The following ZNF343 variants were observed in gnomAD, a reference collection of about 807,000 sequenced individuals.
ZNF343 encodes the protein zinc finger protein 343.
ZNF343 carries 11 observed loss-of-function variants against 13.8 expected under a neutral mutation model. The ratio of observed to expected loss-of-function variants is 0.80; its 90% confidence interval spans 0.50 to 1.32. ZNF343 has a LOEUF of 1.32. Among genes scored for constraint, ZNF343 ranks in the 40% most tolerant of loss-of-function variants. ZNF343 has a pLI of 0.00. For synonymous variants in ZNF343, 248 were observed against 260.0 expected (o/e 0.95, Z 0.44); for missense variants, 658 against 714.2 (o/e 0.92, Z 0.90).
upstream of ZNF343, among the ~76,000 whole-genome samples, chr20:2,513,913 A>T (rs1342150475): frequency 2.0e-5 from 3 of 152,238 alleles, no homozygotes; most frequent in African/African-American, 7.2e-5. Flanking sequence ...ATGAATTTAT[A>T]TGTCCGGAAT....
rs2085242334 is a variant in ZNF343 at position 2,484,225 on chromosome 20, ACT to A, written c.734_735del (p.Glu245ValfsTer2). 1.2e-6 allele frequency: 2 copies of A among 1,614,054 alleles called. No homozygotes were observed. The highest frequency in any genetic ancestry group is 1.1e-5 in the South Asian group (1 of 91,078). The part of the protein sequence containing the change: ...TLRFGAINCR[E>X]YEPDHNLESN... ...GATTCCAGGTTATGGTCCGGTTCAT[ACT>A]CTCTACAGTTGATTGCTCCAAATCT... is the stretch of plus-strand genomic sequence containing the variant. On this transcript the variant is annotated frameshift_variant, in exon 6 of 6. Coordinates refer to ENST00000278772, the MANE Select transcript of ZNF343 (RefSeq NM_024325.6). LOFTEE classifies it low-confidence loss of function (END_TRUNC).
intron 1 of ZNF343, among the ~76,000 whole-genome samples, chr20:2,505,886 G>A (rs1365963003): frequency 6.6e-6 from 1 of 152,124 alleles, no homozygotes; most frequent in Non-Finnish European, 1.5e-5. Context: ...GCATGGGCAA[G>A]GACTTCATGT....
intron 5 of ZNF343, among the ~76,000 whole-genome samples, chr20:2,485,725 C>A (rs970648702): frequency 6.6e-6 from 1 of 152,140 alleles, no homozygotes; most frequent in Admixed American, 6.5e-5. Flanking sequence ...CTTTTGTGGT[C>A]TTTGTTTTAG....
intron 1 of ZNF343, among the ~76,000 whole-genome samples, chr20:2,517,658 T>C (rs527584210): frequency 6.6e-6 from 1 of 150,456 alleles, no homozygotes; most frequent in East Asian, 2.0e-4. Flanking sequence ...CACACCACCA[T>C]GCCTGGCTAG....
In ZNF343 at chr20:2,522,388, A is replaced by G. The variant is rs754393560; in HGVS notation, c.-347+2067T>C. Among the ~76,000 whole-genome samples, 3 of 152,082 alleles carry G rather than the reference A, an allele frequency of 2.0e-5. No homozygotes were observed. The East Asian group carries it at 5.8e-4, about 29-fold the overall frequency. Reference sequence around the variant, plus strand: ...ACACTCTACTTGTTTGTAAACATACATTTTTATTTCAACATAATAAGGTAC... The same window carrying G: ...ACACTCTACTTGTTTGTAAACATACGTTTTTATTTCAACATAATAAGGTAC... On this transcript the variant is annotated intron_variant, in intron 1 of 6. Coordinates refer to the ZNF343 transcript ENST00000358413.
intron 1 of ZNF343, among the ~76,000 whole-genome samples, chr20:2,502,434 A>G (rs895211344): frequency 2.0e-5 from 3 of 152,240 alleles, no homozygotes; most frequent in African/African-American, 7.2e-5. Flanking sequence ...AAGGCAGGCC[A>G]ACACTGAAAT....
At chr20:2,491,168 G>T (rs2085360619) in intron 5 of ZNF343, among the ~76,000 whole-genome samples, 3 of 152,146 alleles carry the variant, frequency 2.0e-5, no homozygotes. Flanking sequence ...GTACTATCCA[G>T]TATAGCAGCC....
intron 4 of ZNF343, 67 bp from the exon 5 acceptor site, chr20:2,492,892 C>T: frequency 1.9e-6 from 3 of 1,594,892 alleles, no homozygotes; most frequent in Non-Finnish European, 2.6e-6. Flanking sequence ...TGGAGCACAG[C>T]TGGTGACCCT....
chr20:2,483,067 G>A lies in ZNF343; in HGVS notation c.*94C>T. On this transcript the variant is annotated 3_prime_UTR_variant, in exon 6 of 6. Transcript: ENST00000278772. ...ACTTCACTCACAATCTGTGTACACA[G>A]GGTCTACTCCCCATGTGTCTCTCTG... is the stretch of plus-strand genomic sequence containing the variant. 1 of 1,393,342 alleles carries A rather than the reference G, an allele frequency of 7.2e-7. No individual in the cohort carries two copies. The highest frequency in any genetic ancestry group is 1.4e-5 in the South Asian group (1 of 71,562). The allele number at this position is 1,393,342 out of a possible 1,614,324, so 86.3% of individuals were successfully genotyped here. A position where few individuals can be genotyped will look rare whatever the true frequency, so the allele number is the denominator to read the frequency against.
chr20:2,497,327 G>A (rs761343314), intron 2 of ZNF343, among the ~76,000 whole-genome samples: 2 of 152,150 alleles, frequency 1.3e-5, no homozygotes, highest in African/African-American at 4.8e-5. Flanking sequence ...GAGGAAGATG[G>A]AGGAATTGTC....
At chr20:2,502,699 A>G (rs938644543) in intron 1 of ZNF343, among the ~76,000 whole-genome samples, 2 of 152,212 alleles carry the variant, frequency 1.3e-5, no homozygotes, top group South Asian at 2.1e-4. Context: ...AGAATTTCAT[A>G]TCCAGCCAAA....
upstream of ZNF343, among the ~76,000 whole-genome samples, chr20:2,511,808 C>T (rs149139123): frequency 6.6e-6 from 1 of 152,332 alleles, no homozygotes; most frequent in East Asian, 1.9e-4. Context: ...CCACAGCTAA[C>T]ATCATACTCA....
At chr20:2,494,190 C>T in intron 2 of ZNF343, 146 bp from the exon 3 acceptor site, 1 of 325,400 alleles carries the variant, frequency 3.1e-6, no homozygotes, top group Non-Finnish European at 5.7e-6. Context: ...CCTGGATTTT[C>T]TACCTTCATT....
rs1018982899 is a variant in ZNF343 at position 2,499,194 on chromosome 20, G to A, written c.-150+1462C>T. 4.0e-5 allele frequency among the ~76,000 whole-genome samples: 6 copies of A among 149,574 alleles called. 1 individual carries two copies. Among genetic ancestry groups the A allele is most frequent in the South Asian group, 4.2e-4 (2 of 4,748 alleles). ...TAAGAAATGGCCCTCTTCCGGGCGC[G>A]GTGGCTCACGCCTGTAATCCCAGCA... On this transcript the variant is annotated intron_variant, in intron 2 of 5. Transcript: ENST00000278772.
intron 5 of ZNF343, among the ~76,000 whole-genome samples, chr20:2,492,350 T>C (rs2085379330): frequency 6.6e-6 from 1 of 152,200 alleles, no homozygotes; most frequent in South Asian, 2.1e-4. Context: ...CCTCACCACA[T>C]TATGTCTTTA....
At chr20:2,493,474 T>C (rs2085400034) in intron 4 of ZNF343, 45 bp downstream of exon 4, 1 of 1,544,290 alleles carries the variant, frequency 6.5e-7, no homozygotes, top group Non-Finnish European at 9.0e-7. Flanking sequence ...CTCTGGAAAA[T>C]GAGCCAGCAC....
chr20:2,523,968 A>G (rs1297804524), intron 1 of ZNF343, among the ~76,000 whole-genome samples: 41 of 135,046 alleles, frequency 3.0e-4, no homozygotes, highest in African/African-American at 8.6e-4. Flanking sequence ...TGGGTGACAG[A>G]GACCCCGTCT....
At chr20:2,493,723 G>A (rs2085409062) in intron 3 of ZNF343, 55 bp downstream of exon 3, 3 of 1,506,898 alleles carry the variant, frequency 2.0e-6, no homozygotes, top group South Asian at 1.1e-5. Context: ...ATTTTCAGGT[G>A]AACCTGGAGC....
intron 5 of ZNF343, among the ~76,000 whole-genome samples, chr20:2,490,050 G>A (rs907405690): frequency 1.2e-4 from 18 of 152,018 alleles, no homozygotes; most frequent in Admixed American, 9.8e-4. Flanking sequence ...GGGAAAAAGC[G>A]AACAAAGGGG....
Sources: allele counts gnomAD v4.1 joint callset (sites outside exome capture counted in the v4.1 genomes callset), GRCh38; gene constraint gnomAD v4.1.1; transcripts MANE v1.5; gene names NCBI Gene and HGNC (gene_info 2026-07-23, HGNC 2026-07-21).